Variants in POLR3A observed in about 807,000 individuals in gnomAD.
POLR3A encodes the protein DNA-directed RNA polymerase III subunit RPC1.
Under a neutral mutation model 152.8 loss-of-function variants are expected in POLR3A, and 112 were observed. The ratio of observed to expected loss-of-function variants is 0.73; its 90% confidence interval spans 0.63 to 0.86. The LOEUF (loss-of-function observed/expected upper bound fraction) is 0.86. POLR3A is among the 40% of genes least tolerant of loss of function. POLR3A has a pLI of 0.00. For missense variants in POLR3A, 1,385 were observed against 1,743.1 expected (o/e 0.79, Z 3.66); for synonymous variants, 615 against 652.1 (o/e 0.94, Z 0.87).
intron 8 of POLR3A, among the ~76,000 whole-genome samples, chr10:78,021,310 T>C (rs1186280620): frequency 6.6e-6 from 1 of 152,136 alleles, no homozygotes; most frequent in Non-Finnish European, 1.5e-5. Context: ...AAGTATAGCA[T>C]ATATATGAGT....
In POLR3A at chr10:77,982,214, C is replaced by T. The variant is rs202013193; in HGVS notation, c.3699G>A (p.Arg1233=). ...YKLLVEGDNL[R]AVMATHGVKG... The stretch of plus-strand genomic sequence containing the variant: ...TCACACCGTGTGTGGCCATGACTGC[C>T]CGCAGGTTATCACCTTCCACCAGAA... Residue 1233 remains arginine, a synonymous_variant, in exon 28 of 31, where the codon CGG becomes CGA. Coordinates refer to ENST00000372371, the MANE Select transcript of POLR3A (RefSeq NM_007055.4). 3.2e-5 allele frequency: 51 copies of T among 1,613,886 alleles called. No individual in the cohort carries two copies. The highest frequency in any genetic ancestry group is 3.3e-4 in the Middle Eastern group (2 of 6,084).
chr10:78,018,064 T>TA (rs1159022429), intron 9 of POLR3A, among the ~76,000 whole-genome samples: 3 of 151,374 alleles, frequency 2.0e-5, no homozygotes, highest in Non-Finnish European at 4.4e-5. Flanking sequence ...TAATCCCATC[T>TA]ACTTTGGAGC....
intron 1 of POLR3A, 37 bp from the exon 2 acceptor site, chr10:78,026,266 A>G: frequency 6.2e-7 from 1 of 1,612,974 alleles, no homozygotes. Flanking sequence ...TTACAGCAAA[A>G]TCTGTGACCA....
At chr10:77,987,348 C>T (rs1026740133) in intron 21 of POLR3A, among the ~76,000 whole-genome samples, 1 of 152,192 alleles carries the variant, frequency 6.6e-6, no homozygotes, top group East Asian at 1.9e-4. Context: ...ATCACAGTGG[C>T]GGTAAGCTTG....
At position 77,983,919 on chromosome 10, in the gene POLR3A, C is replaced by T. The variant is rs1589303634; in HGVS notation, c.3429+1G>A. On this transcript the variant is annotated splice_donor_variant, in intron 26 of 30. Transcript: ENST00000372371. LOFTEE classifies it high-confidence loss of function. ...TCTCTACATTTAATTATGTGACTCA[C>T]TTCCAGTCTCAGAAGCCTAATCCGT... The T allele has an allele frequency of 1.3e-6, 2 of 1,586,592 alleles. No individual in the cohort carries two copies. The highest frequency in any genetic ancestry group is 1.7e-6 in the Non-Finnish European group (2 of 1,154,966).
intron 5 of POLR3A, 112 bp from the exon 6 acceptor site, chr10:78,022,496 C>T: frequency 1.8e-6 from 2 of 1,111,998 alleles, no homozygotes; most frequent in East Asian, 2.4e-5. Flanking sequence ...GGATAAGTGA[C>T]AACAGAGATT....
chr10:78,022,044 C>T, intron 6 of POLR3A, 22 bp from the exon 7 acceptor site: 2 of 1,614,220 alleles, frequency 1.2e-6, no homozygotes, highest in Non-Finnish European at 1.7e-6. Context: ...ACAGCCCAAA[C>T]AGAAACAAAC....
At chr10:77,992,326 T>C in intron 20 of POLR3A, among the ~76,000 whole-genome samples, 1 of 151,460 alleles carries the variant, frequency 6.6e-6, no homozygotes, top group East Asian at 1.9e-4. Context: ...GGCTGGAATG[T>C]AGTGGTAAGA....
intron 16 of POLR3A, among the ~76,000 whole-genome samples, 165 bp downstream of exon 16, chr10:78,004,551 G>A (rs908604727): frequency 6.6e-6 from 1 of 152,054 alleles, no homozygotes; most frequent in African/African-American, 2.4e-5. Flanking sequence ...CAGGACAGAC[G>A]AGGACATACA....
Position 77,982,311 on chromosome 10 carries a change from A to G in POLR3A, c.3602T>C (p.Val1201Ala), listed in dbSNP as rs1847154646. 6.2e-7 allele frequency: 1 copy of G among 1,613,874 alleles called. No individual in the cohort carries two copies. Among genetic ancestry groups the G allele is most frequent in the Non-Finnish European group, 8.5e-7 (1 of 1,179,974 alleles). The change falls in exon 28 of 31, where the codon GTG becomes GCG. Residue 1201 changes from valine to alanine, a missense_variant. Coordinates refer to ENST00000372371, the MANE Select transcript of POLR3A (RefSeq NM_007055.4). ...FLKEDLPKVV[V>A]QGIPEVSRAV... is the part of the protein sequence containing the mutation. ...TCTGGACACCTCTGGAATGCCCTGC[A>G]CCACCACCTGGATTCAGAGACAGAG...
At chr10:77,982,888 T>C in intron 26 of POLR3A, 71 bp from the exon 27 acceptor site, 1 of 1,457,380 alleles carries the variant, frequency 6.9e-7, no homozygotes, top group Non-Finnish European at 9.6e-7. Flanking sequence ...GTTGCCCCTC[T>C]AAGAAGTCCT....
At chr10:78,014,576 C>G (rs879835032) in intron 10 of POLR3A, among the ~76,000 whole-genome samples, 22 of 152,090 alleles carry the variant, frequency 1.4e-4, no homozygotes, top group Non-Finnish European at 3.1e-4. Context: ...ACTGCCACAC[C>G]AGGCTAATTT....
intron 24 of POLR3A, among the ~76,000 whole-genome samples, chr10:77,984,704 C>A (rs1242400901): frequency 6.6e-6 from 1 of 152,150 alleles, no homozygotes; most frequent in East Asian, 1.9e-4. Flanking sequence ...AGGTAAAAAT[C>A]ATTATTTTTG....
At chr10:77,998,549 A>G (rs1446173059) in intron 19 of POLR3A, among the ~76,000 whole-genome samples, 2 of 152,258 alleles carry the variant, frequency 1.3e-5, no homozygotes, top group Admixed American at 1.3e-4. Context: ...CACATGAAAC[A>G]ATGCTCATCA....
At position 78,019,219 on chromosome 10, in the gene POLR3A, C is replaced by A. The variant is rs993782450; in HGVS notation, c.1232G>T (p.Gly411Val). The A allele has an allele frequency of 1.2e-6, 2 of 1,614,024 alleles. No homozygotes were observed. The highest frequency in any genetic ancestry group is 1.7e-6 in the Non-Finnish European group (2 of 1,179,988). The change falls in exon 9 of 31, where the codon GGC becomes GTC. Residue 411 changes from glycine (G) to valine (V), a missense_variant. Physicochemically the swap from Gly to Val is moderately radical, Grantham distance 109 (BLOSUM62 -3). Around this residue, in one of 7 missense-constraint regions of POLR3A, gnomAD observed 493 missense variants for 647.5 expected, o/e 0.76. Transcript: ENST00000372371. ...INFLRKLVQN[G>V]PEVHPGANFI... is the part of the protein sequence containing the mutation. ...GTTTGCTCCTGGGTGAACCTCAGGG[C>A]CGTTTTGAACCAGTTTCCTCAAGAA...
intron 1 of POLR3A, among the ~76,000 whole-genome samples, chr10:78,028,194 A>G (rs983734853): frequency 2.0e-5 from 3 of 152,144 alleles, no homozygotes; most frequent in African/African-American, 7.2e-5. Flanking sequence ...AAATCCTTCA[A>G]AGGTTCCTCA....
chr10:77,983,857 T>C (rs1589303600), intron 26 of POLR3A, 63 bp downstream of exon 26: 1 of 1,004,570 alleles, frequency 1.0e-6, no homozygotes. Context: ...TGCCCTAGTT[T>C]ATCAGTACCT....
At chr10:78,028,367 C>T (rs1270692025) in intron 1 of POLR3A, among the ~76,000 whole-genome samples, 1 of 152,188 alleles carries the variant, frequency 6.6e-6, no homozygotes, top group Non-Finnish European at 1.5e-5. Flanking sequence ...CTACCCTTGT[C>T]ATTGCACTTG....
intron 19 of POLR3A, among the ~76,000 whole-genome samples, chr10:77,998,637 A>G (rs1426347934): frequency 6.6e-6 from 1 of 152,248 alleles, no homozygotes; most frequent in Non-Finnish European, 1.5e-5. Context: ...CGATCATTAA[A>G]AAGTCAGGAA....
Sources: allele counts gnomAD v4.1 joint callset (sites outside exome capture counted in the v4.1 genomes callset), GRCh38; gene constraint gnomAD v4.1.1; regional missense constraint gnomAD v4.1.1; transcripts MANE v1.5; gene names NCBI Gene and HGNC (gene_info 2026-07-23, HGNC 2026-07-21).